The following TUBGCP3 variants were observed in gnomAD, a reference collection of about 807,000 sequenced individuals.
The protein encoded by TUBGCP3 is gamma-tubulin complex component 3.
TUBGCP3 carries 50 observed loss-of-function variants against 123.1 expected under a neutral mutation model. That is an observed-to-expected ratio of 0.41 (90% CI 0.32 to 0.51). TUBGCP3 has a LOEUF of 0.51. TUBGCP3 is among the 20% of genes least tolerant of loss of function. The pLI is 0.36. For synonymous variants in TUBGCP3, 405 were observed against 413.9 expected (o/e 0.98, Z 0.26); for missense variants, 882 against 1,127.0 (o/e 0.78, Z 3.11).
chr13:112,525,690 C>G (rs1425338653), intron 13 of TUBGCP3, among the ~76,000 whole-genome samples: 1 of 152,202 alleles, frequency 6.6e-6, no homozygotes, highest in Non-Finnish European at 1.5e-5. Flanking sequence ...TCAGCACTTC[C>G]CACAGGCTGA....
chr13:112,578,203 T>C (rs934973763), intron 1 of TUBGCP3, among the ~76,000 whole-genome samples: 1 of 149,500 alleles, frequency 6.7e-6, no homozygotes, highest in African/African-American at 2.4e-5. Flanking sequence ...CTCTGGAATG[T>C]GTCTAGACTT....
chr13:112,509,850 T>C (rs1881552506), intron 17 of TUBGCP3, among the ~76,000 whole-genome samples: 1 of 152,246 alleles, frequency 6.6e-6, no homozygotes, highest in Admixed American at 6.5e-5. Context: ...GTAATGACTA[T>C]GAACTCAATT....
intron 19 of TUBGCP3, 97 bp from the exon 20 acceptor site, chr13:112,499,282 A>ATATC: frequency 7.1e-7 from 1 of 1,417,932 alleles, no homozygotes; most frequent in East Asian, 2.4e-5. Context: ...AGAAAACAAG[A>ATATC]TATCAACTGA....
chr13:112,486,610 G>C (rs1472494349), intron 21 of TUBGCP3, among the ~76,000 whole-genome samples: 1 of 152,220 alleles, frequency 6.6e-6, no homozygotes, highest in East Asian at 1.9e-4. Context: ...CGGGTCTTTG[G>C]GTCTAGCTGC....
chr13:112,565,083 C>G, intron 3 of TUBGCP3, 28 bp downstream of exon 3: 1 of 1,602,222 alleles, frequency 6.2e-7, no homozygotes, highest in Non-Finnish European at 8.5e-7. Context: ...ACAATGAGTG[C>G]AATGACCTCC....
At chr13:112,531,172 A>G (rs994353693) in intron 11 of TUBGCP3, among the ~76,000 whole-genome samples, 2 of 152,188 alleles carry the variant, frequency 1.3e-5, no homozygotes, top group Admixed American at 6.5e-5. Context: ...AGACACTATC[A>G]ATTATGTACA....
rs1352983951 is a variant in TUBGCP3 at position 112,526,376 on chromosome 13, CCATCATTACCACCATCATCACCATCAA to C, written c.1555+539_1555+565del. Among the ~76,000 whole-genome samples the C allele has an allele frequency of 5.4e-5, 8 of 147,722 alleles. No homozygotes were observed. The East Asian group carries it at 1.7e-3, about 31-fold the overall frequency. On this transcript the variant is annotated intron_variant, in intron 13 of 21. Transcript: ENST00000261965. ...CATCATCACTATCATCACACCATCA[CCATCATTACCACCATCATCACCATCAA>C]CATCATCACCACCATCACTGCCGCT...
intron 3 of TUBGCP3, among the ~76,000 whole-genome samples, chr13:112,561,137 C>G (rs995189034): frequency 2.0e-5 from 3 of 152,170 alleles, no homozygotes; most frequent in African/African-American, 7.2e-5. Context: ...GCACAAGTGA[C>G]GAACATGCTG....
At chr13:112,513,952 C>T (rs1202757667) in intron 17 of TUBGCP3, among the ~76,000 whole-genome samples, 1 of 152,190 alleles carries the variant, frequency 6.6e-6, no homozygotes, top group Non-Finnish European at 1.5e-5. Context: ...CACCATCCTG[C>T]TCCAACCTAG....
chr13:112,587,880 G>C (rs371588031), intron 1 of TUBGCP3, 25 bp downstream of exon 1: 1 of 1,580,536 alleles, frequency 6.3e-7, no homozygotes, highest in South Asian at 1.2e-5. Context: ...GGGTCTGCGG[G>C]CTTCGCGTCG....
intron 19 of TUBGCP3, among the ~76,000 whole-genome samples, chr13:112,499,662 A>T (rs1394222956): frequency 6.6e-6 from 1 of 152,230 alleles, no homozygotes; most frequent in African/African-American, 2.4e-5. Context: ...AAATATAAAA[A>T]GCAAATTCAG....
intron 11 of TUBGCP3, 32 bp from the exon 12 acceptor site, chr13:112,527,516 A>G (rs1170801035): frequency 6.6e-7 from 1 of 1,505,108 alleles, no homozygotes; most frequent in Non-Finnish European, 9.2e-7. Context: ...AATGTTCAAG[A>G]GTGATATTTA....
intron 3 of TUBGCP3, among the ~76,000 whole-genome samples, chr13:112,563,019 C>A (rs2139248076): frequency 6.6e-6 from 1 of 152,326 alleles, no homozygotes; most frequent in East Asian, 1.9e-4. Flanking sequence ...CCGGGCAGTG[C>A]AGATGCACAA....
At chr13:112,488,589 G>A (rs545458714) in intron 21 of TUBGCP3, among the ~76,000 whole-genome samples, 1 of 151,232 alleles carries the variant, frequency 6.6e-6, no homozygotes, top group East Asian at 1.9e-4. Flanking sequence ...CACCACGGGG[G>A]AGCGCAGGGG....
In TUBGCP3 at chr13:112,499,192, G is replaced by T. The variant is rs763685706; in HGVS notation, c.2308-7C>A. 6.3e-7 allele frequency: 1 copy of T among 1,599,328 alleles called. No individual in the cohort carries two copies. The highest frequency in any genetic ancestry group is 8.5e-7 in the Non-Finnish European group (1 of 1,174,534). On this transcript the variant is annotated splice_polypyrimidine_tract_variant and splice_region_variant and intron_variant, in intron 19 of 21. Transcript: ENST00000261965. Reference sequence around the variant, plus strand: ...TAAGTTGATTTAAAAGTGCCTGAAAGAGATGACAATGTTTTATGAATAGAG... The same window carrying T: ...TAAGTTGATTTAAAAGTGCCTGAAATAGATGACAATGTTTTATGAATAGAG...
intron 10 of TUBGCP3, 42 bp downstream of exon 10, chr13:112,547,569 TGGGAAAGTC>T (rs756759821): frequency 2.4e-5 from 34 of 1,412,262 alleles, no homozygotes; most frequent in Non-Finnish European, 3.1e-5. Flanking sequence ...AAGTCGCGCG[TGGGAAAGTC>T]GCGCGTGGGA....
At chr13:112,550,383 A>G (rs899270448) in intron 8 of TUBGCP3, among the ~76,000 whole-genome samples, 1 of 152,200 alleles carries the variant, frequency 6.6e-6, no homozygotes, top group African/African-American at 2.4e-5. Context: ...GGACTAAGAC[A>G]AATGTGAACA....
At chr13:112,517,938 T>G (rs1445141239) in intron 16 of TUBGCP3, among the ~76,000 whole-genome samples, 1 of 152,180 alleles carries the variant, frequency 6.6e-6, no homozygotes, top group African/African-American at 2.4e-5. Context: ...ATCACACTGC[T>G]TTTTGCATTG....
At chr13:112,561,138 G>A (rs1180748916) in intron 3 of TUBGCP3, among the ~76,000 whole-genome samples, 4 of 152,208 alleles carry the variant, frequency 2.6e-5, no homozygotes, top group Non-Finnish European at 4.4e-5. Context: ...CACAAGTGAC[G>A]AACATGCTGG....
Sources: allele counts gnomAD v4.1 joint callset (sites outside exome capture counted in the v4.1 genomes callset), GRCh38; gene constraint gnomAD v4.1.1; transcripts MANE v1.5; gene names NCBI Gene and HGNC (gene_info 2026-07-23, HGNC 2026-07-21).